PPIL2: variants seen among roughly 807,000 people sequenced by gnomAD.
PPIL2 encodes RING-type E3 ubiquitin-protein ligase PPIL2.
A neutral mutation model predicts 75.2 loss-of-function variants in PPIL2; 50 were observed. That is an observed-to-expected ratio of 0.66 (90% CI 0.53 to 0.84). The LOEUF is 0.84. PPIL2 is among the 40% of genes least tolerant of loss of function. The pLI, the probability that PPIL2 is intolerant of heterozygous loss-of-function variation, is 0.00. For missense variants in PPIL2, 590 were observed against 685.0 expected, an observed-to-expected ratio of 0.86 and a Z score of 1.55; for synonymous variants, 245 against 258.8, an observed-to-expected ratio of 0.95 and a Z score of 0.51.
In PPIL2 at chr22:21,680,149, C is replaced by G. The variant is rs891157006; in HGVS notation, c.296-1150C>G. The stretch of plus-strand genomic sequence containing the variant: ...ACATGTGGTTGATGTTTCTGAGTCC[C>G]CCTACTGCACTTACTTTTTTATCCC... On this transcript the variant is annotated intron_variant, in intron 6 of 19. Transcript: ENST00000398831. Among the ~76,000 whole-genome samples the G allele has an allele frequency of 2.0e-5, 3 of 152,212 alleles. No homozygotes were observed. The East Asian group carries it at 5.8e-4, about 30-fold the overall frequency.
At chr22:21,677,298 G>T (rs1265036039) in intron 6 of PPIL2, among the ~76,000 whole-genome samples, 2 of 152,114 alleles carry the variant, frequency 1.3e-5, no homozygotes, top group Admixed American at 6.6e-5. Context: ...ACAGGGTGGC[G>T]GCCGGGCAGA....
intron 14 of PPIL2, 146 bp downstream of exon 14, chr22:21,688,252 C>T (rs949944738): frequency 9.3e-7 from 1 of 1,078,602 alleles, no homozygotes; most frequent in African/African-American, 1.6e-5. Flanking sequence ...TGCTGTGCCC[C>T]CTCAGGCCTG....
At chr22:21,698,942 C>T (rs1470273522), downstream of PPIL2, 2 of 152,468 alleles carry the variant, frequency 1.3e-5, no homozygotes, top group Non-Finnish European at 2.9e-5. Context: ...ACAAAGATTT[C>T]CTTCCTTTCC....
intron 13 of PPIL2, 109 bp from the exon 14 acceptor site, chr22:21,687,964 G>T (rs2067445686): frequency 7.0e-7 from 1 of 1,423,508 alleles, no homozygotes; most frequent in African/African-American, 1.4e-5. Context: ...ATCACCAAGA[G>T]CCCAGCCCCT....
In PPIL2 at chr22:21,693,680, C is replaced by T. The variant is rs79384503; in HGVS notation, c.1140-136C>T. On this transcript the variant is annotated intron_variant, in intron 15 of 19. Coordinates refer to ENST00000398831, the MANE Select transcript of PPIL2 (RefSeq NM_014337.4). Reference sequence around the variant, plus strand: ...CCCTGGTGGGCAGCGCAGGGAACCACGTGCACACATGCGTCCGTGGAAGCT... The same window carrying T: ...CCCTGGTGGGCAGCGCAGGGAACCATGTGCACACATGCGTCCGTGGAAGCT... The T allele has an allele frequency of 2.1e-3, 1,836 of 895,214 alleles. 18 individuals carry two copies. The African/African-American group carries it at 0.027, about 13-fold the overall frequency. The allele number at this position is 895,214 out of a possible 1,614,324, so 55.5% of individuals were successfully genotyped here. A position where few individuals can be genotyped will look rare whatever the true frequency, so the allele number is the denominator to read the frequency against.
At chr22:21,679,756 C>T (rs2067026549) in intron 6 of PPIL2, among the ~76,000 whole-genome samples, 1 of 151,674 alleles carries the variant, frequency 6.6e-6, no homozygotes, top group Non-Finnish European at 1.5e-5. Context: ...TAATTTGAGG[C>T]TCTAACTTGG....
intron 15 of PPIL2, among the ~76,000 whole-genome samples, chr22:21,692,283 G>A (rs1483223406): frequency 6.6e-6 from 1 of 151,856 alleles, no homozygotes; most frequent in South Asian, 2.1e-4. Context: ...AGCCTCCCTA[G>A]TAGCTGGGAC....
At chr22:21,690,957 CTTTTTTTT>C (rs34639269) in intron 15 of PPIL2, among the ~76,000 whole-genome samples, 3 of 64,702 alleles carry the variant, frequency 4.6e-5, no homozygotes, top group East Asian at 4.8e-4. Context: ...GCCACCTTCT[CTTTTTTTT>C]TTTTTTTTTT....
intron 15 of PPIL2, among the ~76,000 whole-genome samples, chr22:21,691,150 G>A (rs1241354970): frequency 6.6e-6 from 1 of 151,420 alleles, no homozygotes; most frequent in African/African-American, 2.4e-5. Flanking sequence ...CACCATGTTG[G>A]CCAGGCTGGT....
intron 5 of PPIL2, 52 bp from the exon 6 acceptor site, chr22:21,675,012 G>C: frequency 6.7e-7 from 1 of 1,485,934 alleles, no homozygotes; most frequent in Non-Finnish European, 9.4e-7. Context: ...TAGCATCTCT[G>C]TGCATCAGTT....
At position 21,697,159 on chromosome 22, in the gene PPIL2, G is replaced by A; in HGVS notation, c.*1669G>A. 4.3e-6 allele frequency: 3 copies of A among 691,174 alleles called. No individual in the cohort carries two copies. The highest frequency in any genetic ancestry group is 7.2e-6 in the Non-Finnish European group (3 of 418,690). The allele number at this position is 691,174 out of a possible 1,614,324, so 42.8% of individuals were successfully genotyped here. A position where few individuals can be genotyped will look rare whatever the true frequency, so the allele number is the denominator to read the frequency against. ...CAGTAACTGGCTTGTAAGAGGCTCA[G>A]ACACCAAGCTGGGCCTGCAGAGGAG... is the stretch of plus-strand genomic sequence containing the variant. On this transcript the variant is annotated 3_prime_UTR_variant, in exon 20 of 20. Coordinates refer to ENST00000398831, the MANE Select transcript of PPIL2 (RefSeq NM_014337.4).
At chr22:21,671,432 A>T (rs2066629592) in intron 4 of PPIL2, among the ~76,000 whole-genome samples, 1 of 152,252 alleles carries the variant, frequency 6.6e-6, no homozygotes, top group Non-Finnish European at 1.5e-5. Context: ...TATTTGTAGT[A>T]ACATGATTGA....
chr22:21,685,886 G>A (rs1390201094), intron 10 of PPIL2, among the ~76,000 whole-genome samples: 1 of 152,116 alleles, frequency 6.6e-6, no homozygotes, highest in East Asian at 1.9e-4. Flanking sequence ...AAAAAGAAAT[G>A]AGGCCAGGCG....
chr22:21,679,703 C>G (rs1047225337), intron 6 of PPIL2, among the ~76,000 whole-genome samples: 5 of 151,844 alleles, frequency 3.3e-5, no homozygotes, highest in Non-Finnish European at 5.9e-5. Flanking sequence ...TCCCAAAGCA[C>G]TGGGACTAGA....
chr22:21,669,493 G>A (rs1430299970), intron 1 of PPIL2: 6 of 357,514 alleles, frequency 1.7e-5, no homozygotes, highest in Non-Finnish European at 3.3e-5. Flanking sequence ...CATATAGTAG[G>A]TGTTTTTTTG....
At chr22:21,669,511 G>GT (rs1203492046) in intron 1 of PPIL2, 10 of 350,528 alleles carry the variant, frequency 2.9e-5, no homozygotes, top group Admixed American at 6.9e-5. Flanking sequence ...TTGTTTGTTT[G>GT]TTTTTTTGAG....
chr22:21,674,681 C>CA (rs2066763623), intron 5 of PPIL2, among the ~76,000 whole-genome samples: 1 of 152,170 alleles, frequency 6.6e-6, no homozygotes, highest in Non-Finnish European at 1.5e-5. Flanking sequence ...AGCCTGGTGA[C>CA]AGAGAGGGAC....
In PPIL2 at chr22:21,682,564, G is replaced by A. The variant is rs765670702; in HGVS notation, c.477+38G>A. On this transcript the variant is annotated intron_variant, in intron 8 of 19. Transcript: ENST00000398831. ...TGCCTGCCTGCCCCAGCTGCCTTCA[G>A]CACCTGCAGCCAGCCCAGGCCTCTA... is the stretch of plus-strand genomic sequence containing the variant. 3 of 1,494,214 alleles carry A rather than the reference G, an allele frequency of 2.0e-6. No homozygotes were observed. The African/African-American group carries it at 5.1e-5, about 25-fold the overall frequency. 92.6% of individuals were successfully genotyped at this position (1,494,214 alleles called of 1,614,324 possible).
rs1555894902 is a variant in PPIL2, at chr22:21,676,309, T to TG, written c.295+1194_295+1195insG. On this transcript the variant is annotated intron_variant, in intron 6 of 19. Transcript: ENST00000398831. ...TTCAGCAAATATTTATTTATTTATT[T>TG]TGTGTGTGTGTGTGTGTGTGTGTGT... is the stretch of plus-strand genomic sequence containing the variant. 4.7e-3 allele frequency among the ~76,000 whole-genome samples: 583 copies of TG among 123,054 alleles called. 5 individuals carry two copies. The highest frequency in any genetic ancestry group is 0.016 in the East Asian group (75 of 4,684). The allele number at this position is 123,054 out of a possible 152,430, so 80.7% of individuals were successfully genotyped here.
Sources: allele counts gnomAD v4.1 joint callset (sites outside exome capture counted in the v4.1 genomes callset), GRCh38; gene constraint gnomAD v4.1.1; transcripts MANE v1.5; gene names NCBI Gene and HGNC (gene_info 2026-07-23, HGNC 2026-07-21).